Variants in ATP9A observed in about 807,000 individuals in gnomAD.
ATP9A encodes the protein ATPase phospholipid transporting 9A.
ATP9A carries 52 observed loss-of-function variants against 144.1 expected under a neutral mutation model. The observed-to-expected ratio is 0.36, with a 90% CI of 0.29 to 0.45. The LOEUF (loss-of-function observed/expected upper bound fraction) is 0.45. Ranked by LOEUF, ATP9A falls within the 20% of genes least tolerant of loss-of-function variation. The pLI, the probability that ATP9A is intolerant of heterozygous loss-of-function variation, is 1.00. For missense variants in ATP9A, 947 were observed against 1,392.7 expected (o/e 0.68, Z 5.09); for synonymous variants, 582 against 557.4 (o/e 1.04, Z -0.62).
chr20:51,614,748 T>G (rs757641213), intron 22 of ATP9A, among the ~76,000 whole-genome samples: 3 of 152,156 alleles, frequency 2.0e-5, no homozygotes, highest in Admixed American at 1.3e-4. Flanking sequence ...ATCAATCTGA[T>G]GGGTTCAAGA....
At chr20:51,761,754 C>T (rs1376037259) in intron 1 of ATP9A, among the ~76,000 whole-genome samples, 9 of 149,874 alleles carry the variant, frequency 6.0e-5, no homozygotes, top group African/African-American at 7.4e-5. Flanking sequence ...AGCGAGACTC[C>T]GCCTCAAAAA....
At chr20:51,767,187 C>G (rs2077908374) in intron 1 of ATP9A, among the ~76,000 whole-genome samples, 1 of 152,058 alleles carries the variant, frequency 6.6e-6, no homozygotes, top group African/African-American at 2.4e-5. Context: ...CGGCCGCCAC[C>G]GGGAAATGCC....
chr20:51,762,325 C>G (rs2077884367), intron 1 of ATP9A, among the ~76,000 whole-genome samples: 1 of 152,056 alleles, frequency 6.6e-6, no homozygotes, highest in African/African-American at 2.4e-5. Flanking sequence ...ACGGTGAAAC[C>G]CCATCTCTAC....
chr20:51,623,806 A>AAAG (rs1440803262), intron 18 of ATP9A, among the ~76,000 whole-genome samples: 1 of 147,462 alleles, frequency 6.8e-6, no homozygotes, highest in African/African-American at 2.5e-5. Context: ...AAAAAAAAAG[A>AAAG]AAGAAAGAAA....
intron 9 of ATP9A, among the ~76,000 whole-genome samples, chr20:51,679,255 C>T (rs187066436): frequency 1.3e-5 from 2 of 152,202 alleles, no homozygotes; most frequent in South Asian, 2.1e-4. Flanking sequence ...ACCTGGGAGG[C>T]GGAGGTTGCA....
intron 14 of ATP9A, among the ~76,000 whole-genome samples, chr20:51,651,643 T>C (rs571916204): frequency 6.6e-6 from 1 of 150,934 alleles, no homozygotes; most frequent in Non-Finnish European, 1.5e-5. Flanking sequence ...TTAAAACCTT[T>C]TTTGGCCAGG....
chr20:51,733,379 C>CTT (rs554396491), intron 1 of ATP9A, among the ~76,000 whole-genome samples: 1 of 146,932 alleles, frequency 6.8e-6, no homozygotes, highest in Non-Finnish European at 1.5e-5. Context: ...TTCCTCATGC[C>CTT]TTTTTTTTTT....
intron 1 of ATP9A, among the ~76,000 whole-genome samples, chr20:51,733,818 C>G (rs2077752363): frequency 6.6e-6 from 1 of 152,070 alleles, no homozygotes; most frequent in Non-Finnish European, 1.5e-5. Flanking sequence ...GGACTAAAGG[C>G]ATGTGCCACC....
intron 4 of ATP9A, among the ~76,000 whole-genome samples, chr20:51,702,813 CA>C (rs2077599828): frequency 6.6e-6 from 1 of 152,152 alleles, no homozygotes; most frequent in Middle Eastern, 3.2e-3. Context: ...AGTAACCTAA[CA>C]GAAGGGTTCT....
chr20:51,710,317 A>G (rs974916497), intron 4 of ATP9A, among the ~76,000 whole-genome samples: 1 of 152,178 alleles, frequency 6.6e-6, no homozygotes, highest in Non-Finnish European at 1.5e-5. Context: ...AAAAAGAAAA[A>G]AACTTCATGT....
chr20:51,684,233 T>C (rs551387288), intron 9 of ATP9A, among the ~76,000 whole-genome samples: 36 of 152,276 alleles, frequency 2.4e-4, no homozygotes, highest in African/African-American at 8.7e-4. Context: ...CTGCAAACTT[T>C]AGTTCCAAAA....
Position 51,697,501 on chromosome 20 carries a change from A to G in ATP9A, c.437-19T>C. Reference sequence around the variant, plus strand: ...ACTGTGCCTGCAAAGCAGCAGGTTCAAGATACATCACCATCTTAATTCATT... The same window carrying G: ...ACTGTGCCTGCAAAGCAGCAGGTTCGAGATACATCACCATCTTAATTCATT... On this transcript the variant is annotated intron_variant, in intron 4 of 27. Coordinates refer to ENST00000338821, the MANE Select transcript of ATP9A (RefSeq NM_006045.3). The G allele has an allele frequency of 6.2e-7, 1 of 1,611,562 alleles. No homozygotes were observed. The highest frequency in any genetic ancestry group is 8.5e-7 in the Non-Finnish European group (1 of 1,178,872).
At chr20:51,649,726 C>A (rs545399193) in intron 14 of ATP9A, among the ~76,000 whole-genome samples, 1 of 152,132 alleles carries the variant, frequency 6.6e-6, no homozygotes, top group East Asian at 1.9e-4. Flanking sequence ...ACCAGCCTGG[C>A]CAACATGGTG....
intron 7 of ATP9A, 132 bp from the exon 8 acceptor site, chr20:51,690,951 G>T: frequency 1.3e-6 from 1 of 743,644 alleles, no homozygotes; most frequent in Non-Finnish European, 2.3e-6. Flanking sequence ...TACAGGGGAG[G>T]TGGAAAGAAG....
At chr20:51,648,738 G>C (rs539754044) in intron 14 of ATP9A, among the ~76,000 whole-genome samples, 5 of 152,114 alleles carry the variant, frequency 3.3e-5, no homozygotes, top group Non-Finnish European at 7.4e-5. Flanking sequence ...AGGCTGAGGC[G>C]GGAGGACTGC....
chr20:51,726,589 T>C (rs1389257588), intron 2 of ATP9A, among the ~76,000 whole-genome samples: 1 of 152,118 alleles, frequency 6.6e-6, no homozygotes, highest in Non-Finnish European at 1.5e-5. Flanking sequence ...GGTTTGGTTT[T>C]GTTTTTTGAG....
chr20:51,694,874 T>A (rs2077563952), intron 6 of ATP9A, among the ~76,000 whole-genome samples: 1 of 152,190 alleles, frequency 6.6e-6, no homozygotes, highest in African/African-American at 2.4e-5. Context: ...TGTTTGTTTT[T>A]TCAAGAAAAA....
At chr20:51,752,397 C>A (rs906808590) in intron 1 of ATP9A, among the ~76,000 whole-genome samples, 1 of 152,240 alleles carries the variant, frequency 6.6e-6, no homozygotes, top group East Asian at 1.9e-4. Flanking sequence ...GGAAGCCCCA[C>A]ACTGTCAGGG....
intron 4 of ATP9A, among the ~76,000 whole-genome samples, chr20:51,707,589 C>G (rs912552784): frequency 1.3e-5 from 2 of 152,194 alleles, no homozygotes; most frequent in Admixed American, 6.5e-5. Context: ...CAGGTGGAAG[C>G]AGGACTCCTG....
Sources: gnomAD v4.1 joint callset for allele counts (sites outside exome capture counted in the v4.1 genomes callset) on GRCh38, gnomAD v4.1.1 for gene constraint, MANE v1.5 for transcripts, NCBI Gene and HGNC (gene_info 2026-07-23, HGNC 2026-07-21) for gene names.